The following HCN2 variants were observed in gnomAD, a reference collection of about 807,000 sequenced individuals.
HCN2 encodes potassium/sodium hyperpolarization-activated cyclic nucleotide-gated channel 2.
In HCN2, 20 loss-of-function variants were observed where a neutral mutation model predicts 52.3. The observed-to-expected ratio is 0.38, with a 90% CI of 0.27 to 0.56. The LOEUF (loss-of-function observed/expected upper bound fraction) is 0.56, where lower values mean the gene tolerates loss of function less well. Among genes scored for constraint, HCN2 ranks in the 20% least tolerant of loss-of-function variants. The probability of loss-of-function intolerance (pLI) is 0.71; values close to 1 mark genes in which losing one functional copy is unlikely to be tolerated. For missense variants in HCN2, 981 were observed against 1,207.7 expected, an observed-to-expected ratio of 0.81 and a Z score of 2.78; for synonymous variants, 694 against 537.0, an observed-to-expected ratio of 1.29 and a Z score of -4.04.
chr19:607,042 C>T (rs1983449547), intron 3 of HCN2, among the ~76,000 whole-genome samples: 1 of 151,222 alleles, frequency 6.6e-6, no homozygotes, highest in Admixed American at 6.6e-5. Context: ...CGTGGTGGCG[C>T]ATGCCTGTAA....
intron 1 of HCN2, among the ~76,000 whole-genome samples, chr19:600,321 C>T (rs1368019653): frequency 5.3e-5 from 8 of 151,986 alleles, no homozygotes; most frequent in South Asian, 4.2e-4. Context: ...TACAGGCGCC[C>T]GCCACCACGC....
At chr19:594,347 G>A (rs1473700597) in intron 1 of HCN2, among the ~76,000 whole-genome samples, 2 of 152,110 alleles carry the variant, frequency 1.3e-5, no homozygotes, top group East Asian at 3.9e-4. Flanking sequence ...CTTCCTGACT[G>A]CCCTCGGTCC....
In HCN2 at chr19:613,325, G is replaced by A. The variant is rs1983727363; in HGVS notation, c.1662G>A (p.Thr554=). Residue 554 remains threonine, a synonymous_variant, in exon 6 of 8, where the codon ACG becomes ACA. Coordinates refer to ENST00000251287, the MANE Select transcript of HCN2 (RefSeq NM_001194.4). The part of the protein sequence containing the change: ...LFANADPNFV[T]AMLTKLKFEV... ...CCAACGCCGACCCCAACTTCGTCAC[G>A]GCCATGCTGACCAAGCTCAAGTTCG... 1.2e-6 allele frequency: 2 copies of A among 1,612,922 alleles called. No individual in the cohort carries two copies. The highest frequency in any genetic ancestry group is 1.7e-5 in the Admixed American group (1 of 59,980).
chr19:612,526 G>T (rs1445524964), intron 5 of HCN2, among the ~76,000 whole-genome samples: 2 of 151,872 alleles, frequency 1.3e-5, no homozygotes, highest in Non-Finnish European at 2.9e-5. Flanking sequence ...AGAGACTCGT[G>T]CCTCAGCCTC....
At position 616,402 on chromosome 19, in the gene HCN2, G is replaced by T. The variant is rs1009211475; in HGVS notation, c.2598G>T (p.Ser866=). Reference sequence around the variant, plus strand: ...CGCCCAGCCCGGACCGCAGGGACTCGGCCTCACCCGGCGCCGCCGGCGGCC... The same window carrying T: ...CGCCCAGCCCGGACCGCAGGGACTCTGCCTCACCCGGCGCCGCCGGCGGCC... ...AAAPSPDRRD[S]ASPGAAGGLD... is the part of the protein sequence containing the mutation. Residue 866 remains serine (S), a synonymous_variant, in exon 8 of 8, where the codon TCG becomes TCT. Coordinates refer to ENST00000251287, the MANE Select transcript of HCN2 (RefSeq NM_001194.4). 1.6e-6 allele frequency: 2 copies of T among 1,232,998 alleles called. No individual in the cohort carries two copies. The highest frequency in any genetic ancestry group is 2.0e-6 in the Non-Finnish European group (2 of 984,832). 76.4% of individuals were successfully genotyped at this position (1,232,998 alleles called of 1,614,324 possible).
chr19:616,367 CG>C lies in HCN2; in HGVS notation c.2566del (p.Ala856ProfsTer71). ...GCGCTTGGGGCCCACGCCCGCTGCC[CG>C]GGCCGCCGCGCCCAGCCCGGACCGC... ...TPRLGPTPAA[R>X]AAAPSPDRRD... is the part of the protein sequence containing the mutation. On this transcript the variant is annotated frameshift_variant, in exon 8 of 8. Coordinates refer to ENST00000251287, the MANE Select transcript of HCN2 (RefSeq NM_001194.4). LOFTEE classifies it low-confidence loss of function (END_TRUNC). 2 of 1,224,506 alleles carry C rather than the reference CG, an allele frequency of 1.6e-6. No individual in the cohort carries two copies. The highest frequency in any genetic ancestry group is 2.1e-6 in the Non-Finnish European group (2 of 972,584). 75.9% of individuals were successfully genotyped at this position (1,224,506 alleles called of 1,614,324 possible).
chr19:597,947 G>C (rs970171626), intron 1 of HCN2, among the ~76,000 whole-genome samples: 3 of 146,860 alleles, frequency 2.0e-5, no homozygotes, highest in Non-Finnish European at 4.4e-5. Flanking sequence ...TCGTGGGGGA[G>C]GTTTCTAGGC....
At chr19:614,836 G>T (rs1983827029) in intron 7 of HCN2, among the ~76,000 whole-genome samples, 1 of 152,188 alleles carries the variant, frequency 6.6e-6, no homozygotes, top group Non-Finnish European at 1.5e-5. Context: ...GGGGCAGGGA[G>T]GGGCAGAGCC....
chr19:598,984 C>T (rs1172703051), intron 1 of HCN2, among the ~76,000 whole-genome samples: 1 of 152,140 alleles, frequency 6.6e-6, no homozygotes, highest in Non-Finnish European at 1.5e-5. Flanking sequence ...AGCCCCTCCC[C>T]ATCCCGAGGC....
chr19:606,066 C>G (rs560807756), intron 3 of HCN2, among the ~76,000 whole-genome samples: 2 of 152,322 alleles, frequency 1.3e-5, no homozygotes, highest in South Asian at 4.1e-4. Flanking sequence ...ATGGATTTCC[C>G]TTTTAATTAA....
At position 607,972 on chromosome 19, in the gene HCN2, G is replaced by T. The variant is rs114340240; in HGVS notation, c.1227G>T (p.Ser409=). ...WVSINGMVNH[S]WSELYSFALF... ...TCCTGCTGGCCTTGCAGAACCACTC[G>T]TGGAGTGAACTGTACTCCTTCGCAC... Residue 409 remains serine (S), a synonymous_variant, in exon 4 of 8, where the codon TCG becomes TCT. Transcript: ENST00000251287. 3.4e-5 allele frequency: 55 copies of T among 1,611,066 alleles called. No individual in the cohort carries two copies. Among genetic ancestry groups the T allele is most frequent in the Non-Finnish European group, 4.7e-5 (55 of 1,179,174 alleles).
At chr19:595,299 GT>G (rs1280259656) in intron 1 of HCN2, among the ~76,000 whole-genome samples, 1 of 145,936 alleles carries the variant, frequency 6.9e-6, no homozygotes, top group East Asian at 2.0e-4. Flanking sequence ...CCACCCCACG[GT>G]TCAGCCTCGC....
At chr19:612,959 C>T (rs1031496721) in intron 5 of HCN2, among the ~76,000 whole-genome samples, 5 of 151,912 alleles carry the variant, frequency 3.3e-5, no homozygotes, top group Non-Finnish European at 5.9e-5. Context: ...AGATCACACG[C>T]GTGAGCCCCC....
chr19:609,531 C>T lies in HCN2; in HGVS notation c.1438-728C>T, dbSNP rs554582666. Among the ~76,000 whole-genome samples the T allele has an allele frequency of 3.9e-5, 6 of 152,282 alleles. No homozygotes were observed. The South Asian group carries it at 6.2e-4, about 16-fold the overall frequency. On this transcript the variant is annotated intron_variant, in intron 4 of 7. Transcript: ENST00000251287. ...CTGTAATCCCGGCACTCTGGGAGGCCGAGACAGGCCGATCGCCTGAGGTCA... is the reference window on the plus strand; with the variant it reads ...CTGTAATCCCGGCACTCTGGGAGGCTGAGACAGGCCGATCGCCTGAGGTCA...
chr19:616,661 C>T lies in HCN2; in HGVS notation c.*187C>T, dbSNP rs967504970. 3.9e-5 allele frequency: 10 copies of T among 259,462 alleles called. No individual in the cohort carries two copies. The East Asian group carries it at 5.4e-4, about 14-fold the overall frequency. 16.1% of individuals were successfully genotyped at this position (259,462 alleles called of 1,614,324 possible). On this transcript the variant is annotated 3_prime_UTR_variant, in exon 8 of 8. Coordinates refer to ENST00000251287, the MANE Select transcript of HCN2 (RefSeq NM_001194.4). The stretch of plus-strand genomic sequence containing the variant: ...CCCCTCCGCGCCCCCGGCCGTCCCC[C>T]CTCATCGCCCCGCGCCCACCCCCAT...
intron 2 of HCN2, among the ~76,000 whole-genome samples, chr19:604,638 G>T (rs1322621364): frequency 7.9e-6 from 1 of 126,984 alleles, no homozygotes; most frequent in Non-Finnish European, 1.6e-5. Context: ...GGGTCAGGCA[G>T]CAAGGGCGGG....
intron 6 of HCN2, 67 bp from the exon 7 acceptor site, chr19:613,785 G>A: frequency 7.1e-7 from 1 of 1,412,260 alleles, no homozygotes; most frequent in East Asian, 2.8e-5. Flanking sequence ...GCCGGGCCGT[G>A]TGCCTGGGCG....
Position 616,355 on chromosome 19 carries a change from A to G in HCN2, c.2551A>G (p.Thr851Ala), listed in dbSNP as rs992075582. 1.5e-5 allele frequency: 18 copies of G among 1,213,058 alleles called. No homozygotes were observed. In the Admixed American group the frequency reaches 5.4e-4, roughly 37 times the overall value. 75.1% of individuals were successfully genotyped at this position (1,213,058 alleles called of 1,614,324 possible). Residue 851 changes from threonine (T) to alanine (A), a missense_variant, in exon 8 of 8, where the codon ACG (threonine) becomes GCG (alanine). Transcript: ENST00000251287. ...CAGCTCCACACCGCGCTTGGGGCCC[A>G]CGCCCGCTGCCCGGGCCGCCGCGCC... ...ASSSTPRLGP[T>A]PAARAAAPSP...
At chr19:599,665 A>G (rs560032280) in intron 1 of HCN2, among the ~76,000 whole-genome samples, 161 of 151,428 alleles carry the variant, frequency 1.1e-3, no homozygotes, top group African/African-American at 3.5e-3. Flanking sequence ...GCGGGCGCCT[A>G]TAGTCCCAGC....
Sources: allele counts gnomAD v4.1 joint callset (sites outside exome capture counted in the v4.1 genomes callset), GRCh38; gene constraint gnomAD v4.1.1; transcripts MANE v1.5; gene names NCBI Gene and HGNC (gene_info 2026-07-23, HGNC 2026-07-21).